The following WAPL variants were observed in gnomAD, a reference collection of about 807,000 sequenced individuals.
WAPL encodes wings apart-like protein homolog.
WAPL carries 5 observed loss-of-function variants against 121.0 expected under a neutral mutation model. The ratio of observed to expected loss-of-function variants is 0.04; its 90% CI spans 0.02 to 0.09. The LOEUF (loss-of-function observed/expected upper bound fraction) is 0.09. Ranked by LOEUF, WAPL falls within the 10% of genes least tolerant of loss-of-function variation. The pLI is 1.00. For missense variants in WAPL, 999 were observed against 1,410.8 expected (o/e 0.71, Z 4.68); for synonymous variants, 480 against 481.5 (o/e 1.00, Z 0.04).
At chr10:86,517,267 G>C (rs1379275197) in intron 2 of WAPL, among the ~76,000 whole-genome samples, 2 of 152,092 alleles carry the variant, frequency 1.3e-5, no homozygotes, top group Non-Finnish European at 2.9e-5. Flanking sequence ...ATAGAAATGA[G>C]ATACTTTGTG....
intron 12 of WAPL, among the ~76,000 whole-genome samples, chr10:86,455,697 G>GAAAAAAAAAAAAAAAAA (rs1220963010): frequency 2.3e-5 from 3 of 131,336 alleles, no homozygotes; most frequent in Non-Finnish European, 4.7e-5. Flanking sequence ...AAAAAAAAAA[G>GAAAAAAAAAAAAAAAAA]AAAGAAAGAA....
At chr10:86,502,930 C>T (rs768168095) in intron 2 of WAPL, among the ~76,000 whole-genome samples, 4 of 151,414 alleles carry the variant, frequency 2.6e-5, no homozygotes, top group Non-Finnish European at 4.4e-5. Context: ...GAGGCCAAGG[C>T]GGGCGGATCA....
intron 4 of WAPL, among the ~76,000 whole-genome samples, chr10:86,487,688 A>C (rs919639812): frequency 1.3e-5 from 2 of 152,134 alleles, no homozygotes; most frequent in African/African-American, 4.8e-5. Flanking sequence ...CAGGAGAGCA[A>C]GACCATCCTG....
chr10:86,508,470 T>C (rs1394719039), intron 2 of WAPL, among the ~76,000 whole-genome samples: 2 of 151,988 alleles, frequency 1.3e-5, no homozygotes, highest in African/African-American at 4.8e-5. Flanking sequence ...CCCTTTTTCT[T>C]CTCCTCCCCT....
Position 86,500,183 on chromosome 10 carries a change from G to A in WAPL, c.1060C>T (p.Arg354Trp), listed in dbSNP as rs141953284. Residue 354 changes from arginine (R) to tryptophan (W), a missense_variant, in exon 3 of 19, where the codon CGG becomes TGG. Arg to Trp is a moderately radical substitution (Grantham distance 101). Transcript: ENST00000298767. Reference protein sequence around the residue: ...CGTSFRGTVGRTRDYTVLHPS... With the variant: ...CGTSFRGTVGWTRDYTVLHPS... ...TGTAAAACAGTGTAATCTCTAGTCC[G>A]TCCAACTGTCCCTCTAAAACTGGTC... 307 of 1,614,098 alleles carry A rather than the reference G, an allele frequency of 1.9e-4. No homozygotes were observed. In the African/African-American group the frequency reaches 3.3e-3, roughly 17 times the overall value.
intron 2 of WAPL, among the ~76,000 whole-genome samples, chr10:86,512,146 T>C (rs1842475865): frequency 6.6e-6 from 1 of 152,224 alleles, no homozygotes; most frequent in Non-Finnish European, 1.5e-5. Context: ...GATCACAAGT[T>C]CCTGTCCTAC....
intron 2 of WAPL, among the ~76,000 whole-genome samples, chr10:86,514,592 CAG>C (rs1323914151): frequency 6.6e-6 from 1 of 152,270 alleles, no homozygotes; most frequent in Non-Finnish European, 1.5e-5. Flanking sequence ...AGTTTGGACT[CAG>C]AGTCAGTCCA....
At position 86,435,280 on chromosome 10, in the gene WAPL, T is replaced by G. The variant is rs900642129; in HGVS notation, c.*2263A>C. 6.6e-6 allele frequency: 1 copy of G among 152,648 alleles called. No homozygotes were observed. Among genetic ancestry groups the G allele is most frequent in the African/African-American group, 2.4e-5 (1 of 41,456 alleles). 9.5% of individuals were successfully genotyped at this position (152,648 alleles called of 1,614,324 possible). On this transcript the variant is annotated 3_prime_UTR_variant, in exon 19 of 19. Coordinates refer to ENST00000298767, the MANE Select transcript of WAPL (RefSeq NM_015045.5). ...GTGTATTGAAAGTAGCAATTTTATT[T>G]GAGTTAAAATTATTTACAAAAACCC...
intron 16 of WAPL, among the ~76,000 whole-genome samples, chr10:86,445,066 C>A (rs917614253): frequency 6.6e-6 from 1 of 152,060 alleles, no homozygotes; most frequent in Admixed American, 6.5e-5. Flanking sequence ...TGATGTGAAG[C>A]TGAACATATG....
At chr10:86,500,802 T>C (rs1767933131) in intron 2 of WAPL, 59 bp from the exon 3 acceptor site, 1 of 1,332,914 alleles carries the variant, frequency 7.5e-7, no homozygotes, top group African/African-American at 1.5e-5. Flanking sequence ...AGTTAATAAA[T>C]AACATATATG....
intron 2 of WAPL, among the ~76,000 whole-genome samples, chr10:86,508,710 C>T (rs1842396920): frequency 6.6e-6 from 1 of 151,436 alleles, no homozygotes; most frequent in African/African-American, 2.4e-5. Flanking sequence ...TACTGAATTT[C>T]CTTTTCTAGT....
intron 2 of WAPL, among the ~76,000 whole-genome samples, chr10:86,503,424 C>A (rs916708847): frequency 6.6e-6 from 1 of 151,926 alleles, no homozygotes; most frequent in Non-Finnish European, 1.5e-5. Context: ...TTACATGAAA[C>A]CTGCCTTTAA....
At chr10:86,516,217 A>G (rs1842553873) in intron 2 of WAPL, among the ~76,000 whole-genome samples, 1 of 152,124 alleles carries the variant, frequency 6.6e-6, no homozygotes, top group Admixed American at 6.5e-5. Context: ...CTTGTCAACA[A>G]CGCCTGAGGA....
intron 2 of WAPL, among the ~76,000 whole-genome samples, chr10:86,505,768 G>C (rs761199763): frequency 3.9e-5 from 6 of 152,096 alleles, no homozygotes; most frequent in Admixed American, 1.3e-4. Context: ...GGGGAAGTAG[G>C]ATAGAAATAC....
At chr10:86,505,453 A>AT (rs1310541336) in intron 2 of WAPL, among the ~76,000 whole-genome samples, 2 of 149,560 alleles carry the variant, frequency 1.3e-5, no homozygotes, top group African/African-American at 4.9e-5. Context: ...TTCCCAGCTA[A>AT]TTTTTTTATT....
intron 8 of WAPL, 60 bp downstream of exon 8, chr10:86,470,932 G>T: frequency 7.4e-7 from 1 of 1,349,370 alleles, no homozygotes; most frequent in Non-Finnish European, 1.0e-6. Flanking sequence ...ATTTTTGATA[G>T]CCAAATAGAC....
rs147064074 is a variant in WAPL at position 86,459,886 on chromosome 10, G to A, written c.2580+513C>T. 7.9e-5 allele frequency among the ~76,000 whole-genome samples: 12 copies of A among 152,308 alleles called. No individual in the cohort carries two copies. The East Asian group carries it at 9.6e-4, about 12-fold the overall frequency. ...CCCAATACTTTGGGAGGCTGAAGCCGGCAGGCCACTTGAAACTAGGAGTTT... is the reference window on the plus strand; with the variant it reads ...CCCAATACTTTGGGAGGCTGAAGCCAGCAGGCCACTTGAAACTAGGAGTTT... On this transcript the variant is annotated intron_variant, in intron 11 of 18. Transcript: ENST00000298767.
At chr10:86,475,968 G>A (rs993942090) in intron 4 of WAPL, among the ~76,000 whole-genome samples, 1 of 152,326 alleles carries the variant, frequency 6.6e-6, no homozygotes, top group Non-Finnish European at 1.5e-5. Context: ...CAGATCACTT[G>A]AAGCCAGGAG....
intron 4 of WAPL, among the ~76,000 whole-genome samples, chr10:86,494,199 T>C (rs1175406377): frequency 2.0e-5 from 3 of 152,142 alleles, no homozygotes; most frequent in East Asian, 1.9e-4. Context: ...GGAATAAAAA[T>C]AGTTAATTTT....
Sources: allele counts gnomAD v4.1 joint callset (sites outside exome capture counted in the v4.1 genomes callset), GRCh38; gene constraint gnomAD v4.1.1; transcripts MANE v1.5; gene names NCBI Gene and HGNC (gene_info 2026-07-23, HGNC 2026-07-21).